The following MSRA variants were observed in gnomAD, a reference collection of about 807,000 sequenced individuals.
MSRA encodes mitochondrial peptide methionine sulfoxide reductase.
Under a neutral mutation model 31.3 loss-of-function variants are expected in MSRA, and 54 were observed. That is an observed-to-expected ratio of 1.73 (90% CI 1.39 to 2.17). MSRA has a LOEUF of 2.17. Among genes scored for constraint, MSRA ranks in the 30% most tolerant of loss-of-function variants. The pLI is 0.00. For missense variants in MSRA, 507 were observed against 300.9 expected (o/e 1.69, Z -5.07); for synonymous variants, 169 against 116.5 (o/e 1.45, Z -2.90).
At chr8:10,331,389 T>A (rs1802691268) in intron 5 of MSRA, among the ~76,000 whole-genome samples, 1 of 152,144 alleles carries the variant, frequency 6.6e-6, no homozygotes, top group Non-Finnish European at 1.5e-5. Context: ...ATGGGGAAAT[T>A]AAGAACAGTG....
chr8:10,139,891 A>G (rs1168628190), intron 1 of MSRA, among the ~76,000 whole-genome samples: 2 of 152,226 alleles, frequency 1.3e-5, no homozygotes, highest in Admixed American at 1.3e-4. Flanking sequence ...TGTTGTGTGT[A>G]AAGTGCCCAT....
chr8:10,061,976 G>C (rs598523), intron 1 of MSRA, among the ~76,000 whole-genome samples: 33,354 of 152,150 alleles, frequency 0.22, 3,856 homozygotes, highest in Admixed American at 0.3. Flanking sequence ...AGGCTCAGGA[G>C]TTATTGTGAG....
intron 3 of MSRA, among the ~76,000 whole-genome samples, chr8:10,248,421 C>G (rs908181445): frequency 2.0e-5 from 3 of 152,102 alleles, no homozygotes; most frequent in African/African-American, 7.2e-5. Context: ...CTCTGTGCAA[C>G]CTCTTATGTG....
At chr8:10,109,422 A>C (rs548437504) in intron 1 of MSRA, among the ~76,000 whole-genome samples, 1 of 151,394 alleles carries the variant, frequency 6.6e-6, no homozygotes, top group South Asian at 2.1e-4. Context: ...GCTCACTGCA[A>C]CCTCCATCTC....
intron 1 of MSRA, among the ~76,000 whole-genome samples, chr8:10,097,547 C>T (rs535917293): frequency 1.1e-4 from 16 of 152,180 alleles, no homozygotes; most frequent in Non-Finnish European, 1.8e-4. Context: ...TAATACTGAC[C>T]GTCTTATTGC....
chr8:10,154,600 A>G (rs1456885893), intron 1 of MSRA, among the ~76,000 whole-genome samples: 1 of 152,096 alleles, frequency 6.6e-6, no homozygotes, highest in Non-Finnish European at 1.5e-5. Flanking sequence ...GATGGTCTTG[A>G]TCACCTGACC....
chr8:10,303,593 C>G (rs2129126736), intron 4 of MSRA, among the ~76,000 whole-genome samples: 1 of 152,298 alleles, frequency 6.6e-6, no homozygotes, highest in East Asian at 1.9e-4. Context: ...TTCAGAGAAC[C>G]ACTCATCAAC....
intron 1 of MSRA, among the ~76,000 whole-genome samples, chr8:10,199,663 C>G (rs1431659644): frequency 6.6e-6 from 1 of 152,114 alleles, no homozygotes; most frequent in Admixed American, 6.5e-5. Flanking sequence ...GGCTTGTGCA[C>G]TGAGCAGACT....
At chr8:10,241,037 A>G (rs955347090) in intron 2 of MSRA, among the ~76,000 whole-genome samples, 1 of 151,968 alleles carries the variant, frequency 6.6e-6, no homozygotes, top group Non-Finnish European at 1.5e-5. Context: ...CTTCCTCTTT[A>G]TGATAGACTG....
At chr8:10,173,605 G>A (rs1805787359) in intron 1 of MSRA, among the ~76,000 whole-genome samples, 1 of 152,130 alleles carries the variant, frequency 6.6e-6, no homozygotes, top group Admixed American at 6.5e-5. Context: ...CGTATGCTCA[G>A]CACTCCTTGG....
At chr8:10,257,379 C>T (rs1220731969) in intron 3 of MSRA, among the ~76,000 whole-genome samples, 1 of 152,162 alleles carries the variant, frequency 6.6e-6, no homozygotes, top group Non-Finnish European at 1.5e-5. Context: ...GTATTCTACT[C>T]TGTGTGTGTC....
intron 5 of MSRA, among the ~76,000 whole-genome samples, chr8:10,328,387 A>G (rs889916301): frequency 1.3e-5 from 2 of 151,432 alleles, no homozygotes; most frequent in East Asian, 1.9e-4. Context: ...AACAGATTCT[A>G]CCTCCAAAAG....
At chr8:10,110,408 G>C (rs1800194082) in intron 1 of MSRA, among the ~76,000 whole-genome samples, 1 of 152,182 alleles carries the variant, frequency 6.6e-6, no homozygotes, top group African/African-American at 2.4e-5. Context: ...TATCATGGTT[G>C]TCAGGGGCCA....
At chr8:10,110,259 A>G (rs756279896) in intron 1 of MSRA, among the ~76,000 whole-genome samples, 1 of 152,234 alleles carries the variant, frequency 6.6e-6, no homozygotes, top group African/African-American at 2.4e-5. Flanking sequence ...TTTTGTTCAT[A>G]TAACTGGAGC....
intron 5 of MSRA, among the ~76,000 whole-genome samples, chr8:10,389,548 G>A (rs1241690647): frequency 1.3e-5 from 2 of 152,144 alleles, no homozygotes; most frequent in Non-Finnish European, 2.9e-5. Flanking sequence ...ATGAGGCAGG[G>A]GAGCTGTTAT....
At chr8:10,335,116 C>T (rs1222502816) in intron 5 of MSRA, among the ~76,000 whole-genome samples, 1 of 152,228 alleles carries the variant, frequency 6.6e-6, no homozygotes, top group Non-Finnish European at 1.5e-5. Flanking sequence ...GTGCGCCCCA[C>T]CCAGCTGTCC....
chr8:10,064,628 T>C (rs1463173780), intron 1 of MSRA, among the ~76,000 whole-genome samples: 1 of 152,226 alleles, frequency 6.6e-6, no homozygotes, highest in Non-Finnish European at 1.5e-5. Flanking sequence ...GTTTATAAAA[T>C]GAATTCTTTC....
intron 3 of MSRA, among the ~76,000 whole-genome samples, chr8:10,263,503 T>A (rs1798587183): frequency 6.6e-6 from 1 of 152,236 alleles, no homozygotes; most frequent in Non-Finnish European, 1.5e-5. Flanking sequence ...TATCTCCCTA[T>A]ATGGCAGCCT....
At chr8:10,394,562 T>C (rs1217683188) in intron 5 of MSRA, among the ~76,000 whole-genome samples, 1 of 152,226 alleles carries the variant, frequency 6.6e-6, no homozygotes, top group African/African-American at 2.4e-5. Flanking sequence ...TCTGTCAGAT[T>C]GACAGAATTC....
Sources: allele counts gnomAD v4.1 joint callset (sites outside exome capture counted in the v4.1 genomes callset), GRCh38; gene constraint gnomAD v4.1.1; transcripts MANE v1.5; gene names NCBI Gene and HGNC (gene_info 2026-07-23, HGNC 2026-07-21).